The following SLC4A10 variants were observed in gnomAD, a reference collection of about 807,000 sequenced individuals.
SLC4A10 encodes solute carrier family 4 member 10, also known as sodium-driven chloride bicarbonate exchanger.
A neutral mutation model predicts 137.7 loss-of-function variants in SLC4A10; 42 were observed. That is an observed-to-expected ratio of 0.30 (90% confidence interval 0.24 to 0.39). SLC4A10 has a LOEUF of 0.39. Ranked by LOEUF, SLC4A10 falls within the 10% of genes least tolerant of loss-of-function variation. The probability of loss-of-function intolerance (pLI) is 1.00; values close to 1 mark genes in which losing one functional copy is unlikely to be tolerated. For missense variants in SLC4A10, 925 were observed against 1,355.0 expected (o/e 0.68, Z 4.98); for synonymous variants, 474 against 464.1 (o/e 1.02, Z -0.27).
intron 11 of SLC4A10, among the ~76,000 whole-genome samples, chr2:161,895,187 G>A (rs1389257918): frequency 1.3e-5 from 2 of 151,480 alleles, no homozygotes; most frequent in Non-Finnish European, 2.9e-5. Context: ...CCTTGCGATA[G>A]TTTACTGAGA....
At chr2:161,949,663 G>T (rs1039046772) in intron 18 of SLC4A10, among the ~76,000 whole-genome samples, 7 of 152,044 alleles carry the variant, frequency 4.6e-5, no homozygotes, top group African/African-American at 1.7e-4. Flanking sequence ...ATGGGGTACA[G>T]TTTGAATATT....
intron 10 of SLC4A10, among the ~76,000 whole-genome samples, chr2:161,891,200 C>T (rs1166179169): frequency 3.9e-5 from 6 of 152,116 alleles, no homozygotes; most frequent in South Asian, 2.1e-4. Context: ...GTAGGTAACC[C>T]GACCTTTCTT....
At chr2:161,633,560 TC>T (rs554709671) in intron 1 of SLC4A10, among the ~76,000 whole-genome samples, 280 of 151,888 alleles carry the variant, frequency 1.8e-3, no homozygotes, top group African/African-American at 6.4e-3. Context: ...TATATCTATC[TC>T]CCAGGTTTGT....
At chr2:161,961,471 A>T (rs1018267489) in intron 21 of SLC4A10, among the ~76,000 whole-genome samples, 3 of 151,820 alleles carry the variant, frequency 2.0e-5, no homozygotes, top group Non-Finnish European at 4.4e-5. Context: ...TGAAAAGTGT[A>T]GTTTGATAGA....
At chr2:161,853,656 G>A (rs925923664) in intron 4 of SLC4A10, among the ~76,000 whole-genome samples, 5 of 152,188 alleles carry the variant, frequency 3.3e-5, no homozygotes, top group Non-Finnish European at 5.9e-5. Context: ...TTTCTGTGTA[G>A]ACAAAAATGT....
At chr2:161,804,009 A>G (rs2055652566) in intron 2 of SLC4A10, among the ~76,000 whole-genome samples, 1 of 152,150 alleles carries the variant, frequency 6.6e-6, no homozygotes, top group Non-Finnish European at 1.5e-5. Flanking sequence ...ACCTCTGTGG[A>G]ATTTGGCATT....
At chr2:161,916,483 T>C (rs1360445716) in intron 15 of SLC4A10, among the ~76,000 whole-genome samples, 1 of 152,218 alleles carries the variant, frequency 6.6e-6, no homozygotes, top group African/African-American at 2.4e-5. Flanking sequence ...GACTGTTCTC[T>C]ATGAAGCAGC....
chr2:161,841,810 A>C (rs1161317600), intron 4 of SLC4A10, among the ~76,000 whole-genome samples: 1 of 152,250 alleles, frequency 6.6e-6, no homozygotes, highest in African/African-American at 2.4e-5. Context: ...ATACTTCTCT[A>C]TGCTTATTCA....
intron 3 of SLC4A10, among the ~76,000 whole-genome samples, chr2:161,839,010 G>A (rs2058999315): frequency 1.3e-5 from 2 of 152,162 alleles, no homozygotes; most frequent in South Asian, 4.1e-4. Context: ...GCCTACACAA[G>A]AATACTTATA....
At position 161,882,366 on chromosome 2, in the gene SLC4A10, C is replaced by T; in HGVS notation, c.1116C>T (p.Phe372=). Residue 372 remains phenylalanine, a synonymous_variant, in exon 10 of 27, where the codon TTC becomes TTT. Transcript: ENST00000446997. ...AEVPIPTRFL[F]ILLGPLGKGQ... Reference sequence around the variant, plus strand: ...TTCTTCTTAATTACAGATTTTTGTTCATTCTTCTGGGACCCCTGGGAAAGG... The same window carrying T: ...TTCTTCTTAATTACAGATTTTTGTTTATTCTTCTGGGACCCCTGGGAAAGG... 6.4e-7 allele frequency: 1 copy of T among 1,565,888 alleles called. No homozygotes were observed. The highest frequency in any genetic ancestry group is 8.6e-7 in the Non-Finnish European group (1 of 1,156,366).
intron 12 of SLC4A10, 57 bp downstream of exon 12, chr2:161,901,068 C>T: frequency 1.5e-6 from 2 of 1,303,930 alleles, no homozygotes; most frequent in Admixed American, 2.0e-5. Flanking sequence ...CCATTCTTCT[C>T]TGTCAGAAAT....
rs560835742 is a variant in SLC4A10, at chr2:161,750,455, A to G, written c.49-20518A>G. ...GCTTTATTTTCTTTTGCCTTGAGAT[A>G]TTTTTAAGATTACCTTTTGATTCCT... On this transcript the variant is annotated intron_variant, in intron 1 of 26. Coordinates refer to ENST00000446997, the MANE Select transcript of SLC4A10 (RefSeq NM_001178015.2). Among the ~76,000 whole-genome samples the G allele has an allele frequency of 2.6e-5, 4 of 151,662 alleles. No homozygotes were observed. The East Asian group carries it at 7.7e-4, about 29-fold the overall frequency.
chr2:161,704,766 C>A (rs2043475739), intron 1 of SLC4A10, among the ~76,000 whole-genome samples: 1 of 151,628 alleles, frequency 6.6e-6, no homozygotes, highest in South Asian at 2.1e-4. Context: ...GGTTACATGG[C>A]ATTACACTTT....
At chr2:161,711,372 C>T (rs1214760696) in intron 1 of SLC4A10, among the ~76,000 whole-genome samples, 1 of 151,720 alleles carries the variant, frequency 6.6e-6, no homozygotes, top group Non-Finnish European at 1.5e-5. Context: ...TAAAGAGTAG[C>T]AAGTATGGAA....
intron 16 of SLC4A10, among the ~76,000 whole-genome samples, chr2:161,946,136 C>A (rs1693759114): frequency 6.6e-6 from 1 of 151,858 alleles, no homozygotes; most frequent in South Asian, 2.1e-4. Context: ...GGGGATTTTT[C>A]TGTGGTTTTT....
chr2:161,647,481 T>C (rs1221101829), intron 1 of SLC4A10, among the ~76,000 whole-genome samples: 1 of 152,058 alleles, frequency 6.6e-6, no homozygotes, highest in Non-Finnish European at 1.5e-5. Flanking sequence ...ATATCTTAGA[T>C]CATTTACTGT....
At chr2:161,940,914 G>A (rs1281617075) in intron 15 of SLC4A10, among the ~76,000 whole-genome samples, 2 of 151,984 alleles carry the variant, frequency 1.3e-5, no homozygotes, top group Admixed American at 1.3e-4. Context: ...GATTAGCCTG[G>A]GCAACATAAC....
intron 1 of SLC4A10, among the ~76,000 whole-genome samples, chr2:161,645,370 TC>T (rs1199545162): frequency 1.3e-5 from 2 of 152,072 alleles, no homozygotes; most frequent in Admixed American, 6.6e-5. Context: ...ACTAATGTAG[TC>T]AGGGTTACAC....
At chr2:161,791,721 T>C (rs565632544) in intron 2 of SLC4A10, among the ~76,000 whole-genome samples, 1 of 152,336 alleles carries the variant, frequency 6.6e-6, no homozygotes, top group East Asian at 1.9e-4. Context: ...TCACATAATT[T>C]GTGTATGTGA....
Sources: gnomAD v4.1 joint callset for allele counts (sites outside exome capture counted in the v4.1 genomes callset) on GRCh38, gnomAD v4.1.1 for gene constraint, MANE v1.5 for transcripts, NCBI Gene and HGNC (gene_info 2026-07-23, HGNC 2026-07-21) for gene names.